The following WWOX variants were observed in gnomAD, a reference collection of about 807,000 sequenced individuals.
WWOX encodes the protein WW domain-containing oxidoreductase.
In WWOX, 69 loss-of-function variants were observed where a neutral mutation model predicts 46.2. The ratio of observed to expected loss-of-function variants is 1.49; its 90% CI spans 1.23 to 1.82. The LOEUF (loss-of-function observed/expected upper bound fraction) is 1.82. Among genes scored for constraint, WWOX ranks in the 40% most tolerant of loss-of-function variants. The pLI is 0.00. For missense variants in WWOX, 919 were observed against 542.6 expected (o/e 1.69, Z -6.89); for synonymous variants, 359 against 202.6 (o/e 1.77, Z -6.56).
intron 5 of WWOX, among the ~76,000 whole-genome samples, chr16:78,187,465 T>A (rs1221616108): frequency 6.6e-6 from 1 of 152,150 alleles, no homozygotes; most frequent in African/African-American, 2.4e-5. Context: ...TAGCTGGCCG[T>A]GGTGGTGTGC....
At chr16:79,086,408 G>C (rs372416642) in intron 8 of WWOX, among the ~76,000 whole-genome samples, 142 of 152,300 alleles carry the variant, frequency 9.3e-4, no homozygotes, top group African/African-American at 3.3e-3. Flanking sequence ...TATGTTTCTT[G>C]ATACATTTTG....
At chr16:78,716,072 A>C (rs537658131) in intron 8 of WWOX, among the ~76,000 whole-genome samples, 1 of 152,254 alleles carries the variant, frequency 6.6e-6, no homozygotes, top group East Asian at 1.9e-4. Flanking sequence ...AAAGGGGAAA[A>C]AAAAAATCAG....
At chr16:78,987,243 C>G (rs1428065505) in intron 8 of WWOX, among the ~76,000 whole-genome samples, 5 of 152,202 alleles carry the variant, frequency 3.3e-5, no homozygotes, top group African/African-American at 9.6e-5. Flanking sequence ...TGCTTATTAA[C>G]TCAGTCCTGG....
intron 8 of WWOX, among the ~76,000 whole-genome samples, chr16:78,660,361 C>T (rs2047182346): frequency 6.6e-6 from 1 of 152,060 alleles, no homozygotes. Flanking sequence ...ATGTTGTGGG[C>T]TTGGGGAAAC....
In WWOX at chr16:78,481,764, T is replaced by TGTGC. The variant is rs149940474; in HGVS notation, c.1056+49013_1056+49014insTGCG. ...GTGTGTGTGTGTGTGTGTGTGTGTG[T>TGTGC]GCGCGCGCCTGCATGTGTACTGTGG... On this transcript the variant is annotated intron_variant, in intron 8 of 8. Coordinates refer to ENST00000566780, the MANE Select transcript of WWOX (RefSeq NM_016373.4). Among the ~76,000 whole-genome samples, 584 of 147,994 alleles carry TGTGC rather than the reference T, an allele frequency of 3.9e-3. 5 individuals are homozygous for TGTGC. The highest frequency in any genetic ancestry group is 0.01 in the South Asian group (45 of 4,460).
At chr16:78,795,194 A>C (rs1455993922) in intron 8 of WWOX, among the ~76,000 whole-genome samples, 1 of 152,156 alleles carries the variant, frequency 6.6e-6, no homozygotes. Flanking sequence ...ATATTGTGCT[A>C]AGTGCTTTGC....
At chr16:78,259,071 C>G (rs1481806536) in intron 5 of WWOX, among the ~76,000 whole-genome samples, 1 of 152,150 alleles carries the variant, frequency 6.6e-6, no homozygotes, top group Non-Finnish European at 1.5e-5. Flanking sequence ...AAAAGAAGCA[C>G]CATTTTGAAT....
chr16:78,911,001 CAATTAAAAATA>C (rs1413470043), intron 8 of WWOX, among the ~76,000 whole-genome samples: 1 of 151,960 alleles, frequency 6.6e-6, no homozygotes, highest in East Asian at 1.9e-4. Context: ...CAATTTTTGT[CAATTAAAAATA>C]AATTAAAAAA....
In WWOX at chr16:78,559,674, T is replaced by A. The variant is rs148684597; in HGVS notation, c.1056+126922T>A. Among the ~76,000 whole-genome samples the A allele has an allele frequency of 9.8e-5, 15 of 152,352 alleles. No individual in the cohort carries two copies. The East Asian group carries it at 2.9e-3, about 29-fold the overall frequency. On this transcript the variant is annotated intron_variant, in intron 8 of 8. Transcript: ENST00000566780. Reference sequence around the variant, plus strand: ...TGTGTATTCCGGGAGGATTTTCTTTTCTTTTTCTTTTTAATCCTCCTCCTC... The same window carrying A: ...TGTGTATTCCGGGAGGATTTTCTTTACTTTTTCTTTTTAATCCTCCTCCTC...
intron 8 of WWOX, among the ~76,000 whole-genome samples, chr16:78,558,912 A>G (rs1170408490): frequency 6.6e-6 from 1 of 152,212 alleles, no homozygotes; most frequent in African/African-American, 2.4e-5. Context: ...TTCCCATACT[A>G]ACCCCTACAA....
chr16:78,627,230 A>C (rs1257058705), intron 8 of WWOX, among the ~76,000 whole-genome samples: 1 of 152,130 alleles, frequency 6.6e-6, no homozygotes, highest in Non-Finnish European at 1.5e-5. Context: ...CCTGTGCCCC[A>C]GGTGTGTTTG....
At chr16:78,970,045 G>T (rs148451697) in intron 8 of WWOX, among the ~76,000 whole-genome samples, 15 of 152,316 alleles carry the variant, frequency 9.8e-5, no homozygotes, top group Non-Finnish European at 1.5e-4. Context: ...TATGAAAACT[G>T]TGATGGGATT....
intron 5 of WWOX, among the ~76,000 whole-genome samples, chr16:78,326,793 T>C: frequency 6.7e-6 from 1 of 149,374 alleles, no homozygotes; most frequent in African/African-American, 2.4e-5. Context: ...AATGCAGATA[T>C]AACTTTAATT....
intron 8 of WWOX, among the ~76,000 whole-genome samples, chr16:78,615,790 G>A (rs1374013948): frequency 2.0e-5 from 3 of 149,802 alleles, no homozygotes; most frequent in Admixed American, 1.3e-4. Context: ...TCACTCTGTT[G>A]CCCAGGCTGG....
At chr16:78,642,226 G>A (rs1204445487) in intron 8 of WWOX, among the ~76,000 whole-genome samples, 4 of 152,152 alleles carry the variant, frequency 2.6e-5, no homozygotes, top group Admixed American at 2.0e-4. Context: ...ATCCCATGTT[G>A]TCAAGAAGGT....
At chr16:78,239,850 T>C (rs2037577288) in intron 5 of WWOX, among the ~76,000 whole-genome samples, 1 of 152,162 alleles carries the variant, frequency 6.6e-6, no homozygotes, top group African/African-American at 2.4e-5. Context: ...TTCTAGTTTT[T>C]GAAGCTCACT....
At chr16:78,690,160 C>A (rs1467213962) in intron 8 of WWOX, among the ~76,000 whole-genome samples, 7 of 152,128 alleles carry the variant, frequency 4.6e-5, no homozygotes, top group South Asian at 4.1e-4. Context: ...CGAGCCCGGC[C>A]AGGATAACTT....
intron 8 of WWOX, among the ~76,000 whole-genome samples, chr16:78,805,418 G>A (rs546818342): frequency 2.4e-5 from 3 of 124,972 alleles, no homozygotes; most frequent in African/African-American, 6.8e-5. Flanking sequence ...CCGCCACCTC[G>A]CCTGGCTAAT....
chr16:78,587,398 T>G (rs2045236022), intron 8 of WWOX, among the ~76,000 whole-genome samples: 1 of 152,062 alleles, frequency 6.6e-6, no homozygotes, highest in Non-Finnish European at 1.5e-5. Flanking sequence ...AGCATAACTC[T>G]GATAAGAATA....
Sources: allele counts gnomAD v4.1 joint callset (sites outside exome capture counted in the v4.1 genomes callset), GRCh38; gene constraint gnomAD v4.1.1; transcripts MANE v1.5; gene names NCBI Gene and HGNC (gene_info 2026-07-23, HGNC 2026-07-21).